The following P2RY8 variants were observed in gnomAD, a reference collection of about 807,000 sequenced individuals.
P2RY8 encodes P2Y receptor family member 8.
A neutral mutation model predicts 10.0 loss-of-function variants in P2RY8; 6 were observed. The ratio of observed to expected loss-of-function variants is 0.60; its 90% CI spans 0.33 to 1.19. The LOEUF (loss-of-function observed/expected upper bound fraction) is 1.19, where lower values mean the gene tolerates loss of function less well. P2RY8 is among the 50% of genes most tolerant of loss of function. P2RY8 has a pLI of 0.04. For synonymous variants in P2RY8, 276 were observed against 252.5 expected (o/e 1.09, Z -0.88); for missense variants, 456 against 542.0 (o/e 0.84, Z 1.58).
intron 1 of P2RY8, among the ~76,000 whole-genome samples, chrX:1,490,860 T>A (rs2092039549): frequency 1.4e-5 from 2 of 144,842 alleles, no homozygotes; most frequent in Non-Finnish European, 3.0e-5. Context: ...CAGATTCACT[T>A]CTGCAAATGT....
chrX:1,501,092 C>CCTGTGA (rs1376642221), intron 1 of P2RY8, among the ~76,000 whole-genome samples: 1 of 152,198 alleles, frequency 6.6e-6, no homozygotes, highest in Non-Finnish European at 1.5e-5. Context: ...AGCCTTCCTT[C>CCTGTGA]CTGTGACAGA....
Position 1,514,627 on chromosome X carries a change from T to C in P2RY8, c.-25+22294A>G, listed in dbSNP as rs866237223. ...CTTTCCTCCCCTCCCTTCCCTTCCT[T>C]TTCCTTTCCCTTCCCTTCCCTTTCC... On this transcript the variant is annotated intron_variant, in intron 1 of 1. Coordinates refer to ENST00000381297, the MANE Select transcript of P2RY8 (RefSeq NM_178129.5). Among the ~76,000 whole-genome samples the C allele has an allele frequency of 4.9e-4, 19 of 39,042 alleles. 5 individuals are homozygous for C. The highest frequency in any genetic ancestry group is 1.4e-3 in the African/African-American group (12 of 8,520). 25.6% of individuals were successfully genotyped at this position (39,042 alleles called of 152,430 possible). A position where few individuals can be genotyped will look rare whatever the true frequency, so the allele number is the denominator to read the frequency against.
rs1290746952 is a variant in P2RY8 at position 1,465,911 on chromosome X, G to T, written c.648C>A (p.Thr216=). 1 of 1,612,370 alleles carries T rather than the reference G, an allele frequency of 6.2e-7. No individual in the cohort carries two copies. The highest frequency in any genetic ancestry group is 1.3e-5 in the African/African-American group (1 of 74,916). ...FVITVACYTA[T]ILKLLRTEEA... Reference sequence around the variant, plus strand: ...CCTCCGTGCGCAACAGCTTGAGGATGGTGGCCGTGTAACAAGCCACGGTGA... The same window carrying T: ...CCTCCGTGCGCAACAGCTTGAGGATTGTGGCCGTGTAACAAGCCACGGTGA... The change falls in exon 2 of 2, where the codon ACC becomes ACA. Residue 216 remains threonine, a synonymous_variant. Transcript: ENST00000381297.
At chrX:1,522,142 CG>C (rs199911295) in intron 1 of P2RY8, among the ~76,000 whole-genome samples, 2,482 of 150,484 alleles carry the variant, frequency 0.016, 65 homozygotes, top group African/African-American at 0.058. Context: ...TTAGTAGAGA[CG>C]GGGGTTTCAC....
chrX:1,474,219 A>C (rs780577142), intron 1 of P2RY8, among the ~76,000 whole-genome samples: 384 of 97,048 alleles, frequency 4.0e-3, no homozygotes, highest in Middle Eastern at 0.015. Context: ...GGTGGATGGG[A>C]GGGTGAATAG....
intron 1 of P2RY8, among the ~76,000 whole-genome samples, chrX:1,504,633 C>T (rs2092213143): frequency 6.6e-6 from 1 of 152,156 alleles, no homozygotes; most frequent in African/African-American, 2.4e-5. Flanking sequence ...AGGTGGATCA[C>T]TTGAGGTTAG....
chrX:1,534,237 A>C (rs2149418679), intron 1 of P2RY8, among the ~76,000 whole-genome samples: 1 of 142,118 alleles, frequency 7.0e-6, no homozygotes, highest in East Asian at 2.0e-4. Flanking sequence ...ATTATATATT[A>C]TTTATATATA....
chrX:1,515,236 A>G (rs767631126), intron 1 of P2RY8, among the ~76,000 whole-genome samples: 37 of 150,686 alleles, frequency 2.5e-4, no homozygotes, highest in African/African-American at 7.8e-4. Flanking sequence ...TTTTATTATT[A>G]TTATTTTTTA....
intron 1 of P2RY8, among the ~76,000 whole-genome samples, chrX:1,479,366 C>T (rs189778561): frequency 6.6e-6 from 1 of 152,248 alleles, no homozygotes; most frequent in Non-Finnish European, 1.5e-5. Context: ...AGCCTGTGTG[C>T]TTACACACAC....
chrX:1,486,840 C>A (rs139310681), intron 1 of P2RY8, among the ~76,000 whole-genome samples: 1 of 152,220 alleles, frequency 6.6e-6, no homozygotes. Flanking sequence ...TCCCTGCCCG[C>A]GCTGAGTCCT....
Position 1,521,335 on chromosome X carries a change from C to T in P2RY8, c.-25+15586G>A, listed in dbSNP as rs145119501. Among the ~76,000 whole-genome samples, 865 of 152,186 alleles carry T rather than the reference C, an allele frequency of 5.7e-3. 13 individuals are homozygous for T. Among genetic ancestry groups the T allele is most frequent in the East Asian group, 0.033 (170 of 5,172 alleles). ...TGCTGGGATTACAGGCATGAGCCAC[C>T]GCGCCCGGCCTTTATCCTCTCTGAT... On this transcript the variant is annotated intron_variant, in intron 1 of 1. Transcript: ENST00000381297.
rs1191136170 is a variant in P2RY8, at chrX:1,465,193, C to T, written c.*286G>A. Reference sequence around the variant, plus strand: ...AGCCGGGCGTGGTGACACAAGCTGTCCCCTGACACAGAGAGGCAGAGGCAC... The same window carrying T: ...AGCCGGGCGTGGTGACACAAGCTGTTCCCTGACACAGAGAGGCAGAGGCAC... On this transcript the variant is annotated 3_prime_UTR_variant, in exon 2 of 2. Coordinates refer to ENST00000381297, the MANE Select transcript of P2RY8 (RefSeq NM_178129.5). The T allele has an allele frequency of 2.0e-6, 1 of 504,194 alleles. No homozygotes were observed. 31.2% of individuals were successfully genotyped at this position (504,194 alleles called of 1,614,324 possible).
At chrX:1,501,649 A>G (rs1393518855) in intron 1 of P2RY8, among the ~76,000 whole-genome samples, 5 of 152,000 alleles carry the variant, frequency 3.3e-5, no homozygotes, top group African/African-American at 1.2e-4. Context: ...GCTGGAGTGC[A>G]GTGGTGCGAT....
At chrX:1,473,601 T>C (rs1419600669) in intron 1 of P2RY8, among the ~76,000 whole-genome samples, 2 of 150,014 alleles carry the variant, frequency 1.3e-5, no homozygotes, top group African/African-American at 4.9e-5. Flanking sequence ...AATGGGTGGA[T>C]TGATGGATCA....
intron 1 of P2RY8, among the ~76,000 whole-genome samples, chrX:1,474,600 ATGGATG>A: frequency 8.2e-6 from 1 of 122,440 alleles, no homozygotes; most frequent in Non-Finnish European, 1.7e-5. Flanking sequence ...GGATGGATGG[ATGGATG>A]GATAAGTGGG....
At chrX:1,505,010 C>T (rs1303627000) in intron 1 of P2RY8, among the ~76,000 whole-genome samples, 2 of 151,674 alleles carry the variant, frequency 1.3e-5, no homozygotes, top group Non-Finnish European at 1.5e-5. Flanking sequence ...TGGTGGCAGG[C>T]GCCTGTAGTC....
At chrX:1,485,795 CAT>C (rs1418414234) in intron 1 of P2RY8, among the ~76,000 whole-genome samples, 3 of 149,030 alleles carry the variant, frequency 2.0e-5, no homozygotes, top group Non-Finnish European at 4.4e-5. Context: ...TTATATGTAA[CAT>C]ATTGAACATA....
intron 1 of P2RY8, among the ~76,000 whole-genome samples, chrX:1,505,840 G>A (rs2092227825): frequency 6.6e-6 from 1 of 152,032 alleles, no homozygotes; most frequent in Non-Finnish European, 1.5e-5. Flanking sequence ...AAGAATCCAG[G>A]AGGAGGACTT....
intron 1 of P2RY8, among the ~76,000 whole-genome samples, chrX:1,485,740 G>A (rs1322068214): frequency 5.5e-5 from 8 of 146,734 alleles, no homozygotes; most frequent in Non-Finnish European, 7.5e-5. Flanking sequence ...AATTATATAC[G>A]ATATATTGTA....
Sources: allele counts gnomAD v4.1 joint callset (sites outside exome capture counted in the v4.1 genomes callset), GRCh38; gene constraint gnomAD v4.1.1; transcripts MANE v1.5; gene names NCBI Gene and HGNC (gene_info 2026-07-23, HGNC 2026-07-21).